The following ARHGAP42 variants were observed in gnomAD, a reference collection of about 807,000 sequenced individuals.
ARHGAP42 encodes Rho GTPase activating protein 42.
Under a neutral mutation model 125.0 loss-of-function variants are expected in ARHGAP42, and 63 were observed. The ratio of observed to expected loss-of-function variants is 0.50; its 90% CI spans 0.41 to 0.62. The LOEUF is 0.62. ARHGAP42 is among the 20% of genes least tolerant of loss of function. ARHGAP42 has a pLI of 0.00. For synonymous variants in ARHGAP42, 339 were observed against 351.0 expected (o/e 0.97, Z 0.38); for missense variants, 766 against 1,024.2 (o/e 0.75, Z 3.44).
At chr11:100,837,345 A>G (rs1864813193) in intron 3 of ARHGAP42, among the ~76,000 whole-genome samples, 1 of 151,978 alleles carries the variant, frequency 6.6e-6, no homozygotes, top group South Asian at 2.1e-4. Flanking sequence ...TTTGTCCTTT[A>G]TATATACATA....
chr11:100,721,114 A>C (rs1861750648), intron 1 of ARHGAP42, among the ~76,000 whole-genome samples: 1 of 152,096 alleles, frequency 6.6e-6, no homozygotes, highest in Admixed American at 6.6e-5. Flanking sequence ...ATTATTCTTA[A>C]CTAAAGTCAA....
At chr11:100,815,690 T>G (rs1864251258) in intron 3 of ARHGAP42, among the ~76,000 whole-genome samples, 1 of 152,136 alleles carries the variant, frequency 6.6e-6, no homozygotes, top group Admixed American at 6.6e-5. Context: ...TCTTAACCAG[T>G]TTTAAGTGAA....
intron 1 of ARHGAP42, among the ~76,000 whole-genome samples, chr11:100,698,068 A>C (rs1403341161): frequency 2.0e-5 from 3 of 152,140 alleles, no homozygotes; most frequent in Admixed American, 1.3e-4. Flanking sequence ...AAAATTAATT[A>C]TTTGTAGAGA....
At chr11:100,740,083 T>TA (rs1362800974) in intron 1 of ARHGAP42, among the ~76,000 whole-genome samples, 55 of 150,374 alleles carry the variant, frequency 3.7e-4, no homozygotes, top group South Asian at 3.6e-3. Context: ...TTTTTTTTTT[T>TA]AATTTTCAAC....
At chr11:100,915,525 C>T (rs1333422280) in intron 5 of ARHGAP42, among the ~76,000 whole-genome samples, 4 of 152,150 alleles carry the variant, frequency 2.6e-5, no homozygotes, top group Non-Finnish European at 5.9e-5. Context: ...ATTGCTTAAA[C>T]CACCTTAAGG....
At chr11:100,967,568 C>T (rs1858126582) in intron 17 of ARHGAP42, among the ~76,000 whole-genome samples, 1 of 152,152 alleles carries the variant, frequency 6.6e-6, no homozygotes, top group South Asian at 2.1e-4. Flanking sequence ...ATAATCCTTA[C>T]TCAGTACAAA....
chr11:100,806,206 T>G (rs900944320), intron 3 of ARHGAP42, among the ~76,000 whole-genome samples: 8 of 152,250 alleles, frequency 5.3e-5, no homozygotes, highest in African/African-American at 1.9e-4. Context: ...ATTTAAGTCT[T>G]TCCCCCATTC....
chr11:100,878,226 TC>T (rs1865871051), intron 4 of ARHGAP42, among the ~76,000 whole-genome samples: 1 of 151,938 alleles, frequency 6.6e-6, no homozygotes, highest in African/African-American at 2.4e-5. Flanking sequence ...CCTCCCTGTT[TC>T]AAGTGATTCT....
chr11:100,802,427 T>C (rs965310899), intron 3 of ARHGAP42, among the ~76,000 whole-genome samples: 4 of 146,258 alleles, frequency 2.7e-5, no homozygotes, highest in African/African-American at 5.0e-5. Flanking sequence ...TTTCTTTCTT[T>C]TTTTTTTTTT....
At chr11:100,885,019 T>A (rs1866055211) in intron 4 of ARHGAP42, among the ~76,000 whole-genome samples, 1 of 152,156 alleles carries the variant, frequency 6.6e-6, no homozygotes, top group African/African-American at 2.4e-5. Context: ...AGTGAGCATG[T>A]GGCATATACC....
At chr11:100,930,942 A>G (rs974988216) in intron 6 of ARHGAP42, among the ~76,000 whole-genome samples, 5 of 152,172 alleles carry the variant, frequency 3.3e-5, no homozygotes, top group Admixed American at 3.3e-4. Flanking sequence ...CAAAATGCTT[A>G]GGACTAGAAG....
At chr11:100,890,161 C>A (rs987233166) in intron 4 of ARHGAP42, among the ~76,000 whole-genome samples, 2 of 152,136 alleles carry the variant, frequency 1.3e-5, no homozygotes, top group Admixed American at 1.3e-4. Context: ...GGCAGGTTTT[C>A]CTTAGGCAGC....
intron 5 of ARHGAP42, 99 bp from the exon 6 acceptor site, chr11:100,921,394 CT>C (rs1867264017): frequency 1.1e-6 from 1 of 899,590 alleles, no homozygotes; most frequent in African/African-American, 1.8e-5. Flanking sequence ...CTGTGTTAAA[CT>C]TTTTGTAGGA....
intron 1 of ARHGAP42, among the ~76,000 whole-genome samples, chr11:100,766,222 G>GGTGTGTGTGTGT (rs145892062): frequency 3.2e-4 from 48 of 149,280 alleles, no homozygotes; most frequent in Middle Eastern, 3.4e-3. Flanking sequence ...AAGGATGTGG[G>GGTGTGTGTGTGT]GTGTGTGTGT....
chr11:100,926,544 G>T (rs896427848), intron 6 of ARHGAP42, among the ~76,000 whole-genome samples: 1 of 152,304 alleles, frequency 6.6e-6, no homozygotes, highest in Non-Finnish European at 1.5e-5. Flanking sequence ...GAGACAGAAA[G>T]TATAATAGCT....
At chr11:100,760,165 C>T (rs1000900878) in intron 1 of ARHGAP42, among the ~76,000 whole-genome samples, 4 of 152,128 alleles carry the variant, frequency 2.6e-5, no homozygotes, top group Non-Finnish European at 4.4e-5. Flanking sequence ...ATTTGCAGTC[C>T]TGCAGCTGTG....
At position 100,841,462 on chromosome 11, in the gene ARHGAP42, G is replaced by A. The variant is rs76259902; in HGVS notation, c.313-18092G>A. On this transcript the variant is annotated intron_variant, in intron 3 of 23. Transcript: ENST00000298815. ...CAGAAGTATAACACTTTTATGAATA[G>A]CAATGGCATGTAGTACAAAATGTGG... Among the ~76,000 whole-genome samples, 929 of 152,110 alleles carry A rather than the reference G, an allele frequency of 6.1e-3. 1 individual carries two copies. Among genetic ancestry groups the A allele is most frequent in the African/African-American group, 8.2e-3 (341 of 41,438 alleles).
At chr11:100,939,430 C>T (rs767021799) in intron 8 of ARHGAP42, among the ~76,000 whole-genome samples, 1 of 152,142 alleles carries the variant, frequency 6.6e-6, no homozygotes, top group South Asian at 2.1e-4. Context: ...TCTAAAATAG[C>T]TTGAAAATAT....
chr11:100,945,383 G>C (rs369988360), intron 10 of ARHGAP42, among the ~76,000 whole-genome samples: 1 of 151,974 alleles, frequency 6.6e-6, no homozygotes, highest in Non-Finnish European at 1.5e-5. Flanking sequence ...CCTCCCACGA[G>C]GGACAAATGT....
Sources: gnomAD v4.1 joint callset for allele counts (sites outside exome capture counted in the v4.1 genomes callset) on GRCh38, gnomAD v4.1.1 for gene constraint, MANE v1.5 for transcripts, NCBI Gene and HGNC (gene_info 2026-07-23, HGNC 2026-07-21) for gene names.